RAPGEF6: variants seen among roughly 807,000 people sequenced by gnomAD.
The protein encoded by RAPGEF6 is Rap guanine nucleotide exchange factor 6.
In RAPGEF6, 56 loss-of-function variants were observed where a neutral mutation model predicts 171.4. That is an observed-to-expected ratio of 0.33 (90% CI 0.26 to 0.41). The LOEUF (loss-of-function observed/expected upper bound fraction) is 0.41, where lower values mean the gene tolerates loss of function less well. Ranked by LOEUF, RAPGEF6 falls within the 10% of genes least tolerant of loss-of-function variation. The pLI is 1.00. For synonymous variants in RAPGEF6, 692 were observed against 650.1 expected (o/e 1.06, Z -0.98); for missense variants, 1,674 against 1,921.4 (o/e 0.87, Z 2.41).
At chr5:131,573,399 C>T (rs1762423605) in intron 4 of RAPGEF6, among the ~76,000 whole-genome samples, 1 of 152,096 alleles carries the variant, frequency 6.6e-6, no homozygotes, top group African/African-American at 2.4e-5. Context: ...TCTCATCAGA[C>T]TCCACTAAAC....
At chr5:131,605,933 G>A (rs1764533522) in intron 1 of RAPGEF6, among the ~76,000 whole-genome samples, 1 of 148,146 alleles carries the variant, frequency 6.8e-6, no homozygotes, top group Non-Finnish European at 1.5e-5. Context: ...GGGAGGCTAA[G>A]GCAGGAGAAT....
chr5:131,621,956 T>C (rs1384386477), intron 1 of RAPGEF6, among the ~76,000 whole-genome samples: 1 of 152,168 alleles, frequency 6.6e-6, no homozygotes, highest in Non-Finnish European at 1.5e-5. Flanking sequence ...AGGCCATATT[T>C]TAATTGTCCA....
At chr5:131,568,806 T>C (rs566250653) in intron 4 of RAPGEF6, among the ~76,000 whole-genome samples, 2 of 152,288 alleles carry the variant, frequency 1.3e-5, no homozygotes, top group East Asian at 1.9e-4. Flanking sequence ...ATGTTTAACA[T>C]AGTAGACTGA....
intron 1 of RAPGEF6, among the ~76,000 whole-genome samples, chr5:131,627,931 C>A (rs1319975266): frequency 6.6e-6 from 1 of 152,118 alleles, no homozygotes; most frequent in African/African-American, 2.4e-5. Context: ...TGTTTTGGGG[C>A]ACCACAAACT....
intron 11 of RAPGEF6, among the ~76,000 whole-genome samples, chr5:131,502,542 A>T (rs1757094450): frequency 6.6e-6 from 1 of 152,250 alleles, no homozygotes; most frequent in East Asian, 1.9e-4. Context: ...CTGCCAGGAA[A>T]GCATGACTTG....
intron 6 of RAPGEF6, among the ~76,000 whole-genome samples, chr5:131,537,736 G>A (rs563998739): frequency 8.1e-4 from 124 of 152,212 alleles, no homozygotes; most frequent in African/African-American, 2.8e-3. Context: ...GTGTCCATGG[G>A]TTCTGTACCT....
At chr5:131,533,485 T>G (rs1195170542) in intron 6 of RAPGEF6, among the ~76,000 whole-genome samples, 6 of 152,096 alleles carry the variant, frequency 3.9e-5, no homozygotes, top group Admixed American at 3.9e-4. Flanking sequence ...TCACATGTAT[T>G]TGTTAACAAG....
chr5:131,572,149 T>C (rs1349500663), intron 4 of RAPGEF6, among the ~76,000 whole-genome samples: 5 of 152,108 alleles, frequency 3.3e-5, no homozygotes, highest in Admixed American at 1.3e-4. Context: ...GTCACTTATA[T>C]GGACGTGCGT....
intron 1 of RAPGEF6, among the ~76,000 whole-genome samples, chr5:131,607,225 G>C (rs934674766): frequency 6.6e-6 from 1 of 152,072 alleles, no homozygotes; most frequent in Non-Finnish European, 1.5e-5. Context: ...CTTCCAGAGG[G>C]GCACAGAATA....
chr5:131,624,188 C>A (rs185223460), intron 1 of RAPGEF6, among the ~76,000 whole-genome samples: 39 of 152,312 alleles, frequency 2.6e-4, no homozygotes, highest in African/African-American at 7.7e-4. Flanking sequence ...TTGGTCCACA[C>A]AAGAATCCCA....
intron 15 of RAPGEF6, among the ~76,000 whole-genome samples, chr5:131,483,330 C>G (rs1206330816): frequency 3.3e-5 from 4 of 121,904 alleles, no homozygotes; most frequent in Non-Finnish European, 4.9e-5. Flanking sequence ...ACCTGGGCAA[C>G]AGAGTAAGAC....
At chr5:131,524,609 TGAGAGAGAGAGA>T (rs55956395) in intron 6 of RAPGEF6, among the ~76,000 whole-genome samples, 145 of 134,524 alleles carry the variant, frequency 1.1e-3, no homozygotes, top group Middle Eastern at 7.6e-3. Flanking sequence ...AGAGAGAGAT[TGAGAGAGAGAGA>T]GAGAGAGAGA....
At chr5:131,444,539 CTATT>C (rs1419548910) in intron 22 of RAPGEF6, among the ~76,000 whole-genome samples, 2 of 152,228 alleles carry the variant, frequency 1.3e-5, no homozygotes, top group East Asian at 3.9e-4. Flanking sequence ...CGGATAGTGA[CTATT>C]TAAACATTTA....
chr5:131,551,042 A>G (rs1387214645), intron 5 of RAPGEF6, among the ~76,000 whole-genome samples: 2 of 152,224 alleles, frequency 1.3e-5, no homozygotes, highest in Non-Finnish European at 2.9e-5. Flanking sequence ...ATAGGTGTTT[A>G]ATTAAATTTT....
chr5:131,592,562 T>C, intron 3 of RAPGEF6, 96 bp from the exon 4 acceptor site: 1 of 1,481,622 alleles, frequency 6.7e-7, no homozygotes, highest in Non-Finnish European at 9.0e-7. Context: ...ATAGTACAAA[T>C]AATTAAAAAT....
In RAPGEF6 at chr5:131,544,741, G is replaced by A. The variant is rs1010427375; in HGVS notation, c.495+3306C>T. 5.3e-5 allele frequency among the ~76,000 whole-genome samples: 8 copies of A among 152,156 alleles called. No homozygotes were observed. In the East Asian group the frequency reaches 5.8e-4, roughly 11 times the overall value. On this transcript the variant is annotated intron_variant, in intron 6 of 27. Transcript: ENST00000509018. ...TCTATAGCCCAGGCTGGAGTGCAGC[G>A]GCATGACCTTGGCTCACTGCAACCT...
intron 3 of RAPGEF6, among the ~76,000 whole-genome samples, chr5:131,602,722 T>C (rs1242962804): frequency 2.0e-5 from 3 of 151,862 alleles, no homozygotes; most frequent in Non-Finnish European, 2.9e-5. Flanking sequence ...GATTATGCCA[T>C]TGCACTCCAG....
chr5:131,585,289 T>TATACATACATAC (rs3058508), intron 4 of RAPGEF6, among the ~76,000 whole-genome samples: 217 of 135,042 alleles, frequency 1.6e-3, no homozygotes, highest in East Asian at 4.3e-3. Flanking sequence ...AAAAAAAAAC[T>TATACATACATAC]ATACATACAT....
chr5:131,635,102 G>C lies in RAPGEF6; in HGVS notation c.-72C>G. The stretch of plus-strand genomic sequence containing the variant: ...ACAGTTCATTCACACTAGGTAGCGG[G>C]TGCGGTACCTTTCCCCCGCCCCAAG... On this transcript the variant is annotated 5_prime_UTR_variant, in exon 1 of 28. Transcript: ENST00000509018. 7.0e-7 allele frequency: 1 copy of C among 1,423,264 alleles called. No individual in the cohort carries two copies. Among genetic ancestry groups the C allele is most frequent in the Non-Finnish European group, 9.4e-7 (1 of 1,058,712 alleles). 88.2% of individuals were successfully genotyped at this position (1,423,264 alleles called of 1,614,324 possible).
Sources: gnomAD v4.1 joint callset for allele counts (sites outside exome capture counted in the v4.1 genomes callset) on GRCh38, gnomAD v4.1.1 for gene constraint, MANE v1.5 for transcripts, NCBI Gene and HGNC (gene_info 2026-07-23, HGNC 2026-07-21) for gene names.